Variants in PTGFRN observed in about 807,000 individuals in gnomAD.
The protein encoded by PTGFRN is prostaglandin F2 receptor negative regulator.
In PTGFRN, 35 loss-of-function variants were observed where a neutral mutation model predicts 83.2. That is an observed-to-expected ratio of 0.42 (90% confidence interval 0.32 to 0.56). The LOEUF (loss-of-function observed/expected upper bound fraction) is 0.56. Ranked by LOEUF, PTGFRN falls within the 20% of genes least tolerant of loss-of-function variation. The probability of loss-of-function intolerance (pLI) is 0.11; values close to 1 mark genes in which losing one functional copy is unlikely to be tolerated. For missense variants in PTGFRN, 1,051 were observed against 1,179.5 expected, an observed-to-expected ratio of 0.89 and a Z score of 1.60; for synonymous variants, 519 against 498.6, an observed-to-expected ratio of 1.04 and a Z score of -0.55.
rs3829881 is a variant in PTGFRN at position 116,989,191 on chromosome 1, T to C, written c.*2224T>C. 83,357 of 151,962 alleles carry C rather than the reference T, an allele frequency of 0.55. 23,080 individuals are homozygous for C. The highest frequency in any genetic ancestry group is 0.67 in the East Asian group (3,425 of 5,146). The allele number at this position is 151,962 out of a possible 1,614,324, so 9.4% of individuals were successfully genotyped here. A position where few individuals can be genotyped will look rare whatever the true frequency, so the allele number is the denominator to read the frequency against. ...AGACACTCGATGGTGGTAAATGTGA[T>C]GGGTGCTTACACACTGTACCTTTTC... On this transcript the variant is annotated 3_prime_UTR_variant, in exon 9 of 9. Coordinates refer to ENST00000393203, the MANE Select transcript of PTGFRN (RefSeq NM_020440.4).
chr1:116,979,250 C>T (rs1651242285), intron 7 of PTGFRN, among the ~76,000 whole-genome samples: 1 of 152,122 alleles, frequency 6.6e-6, no homozygotes, highest in African/African-American at 2.4e-5. Flanking sequence ...AACATTCCAT[C>T]CTCATGGATA....
chr1:116,955,515 T>C (rs1225860124), intron 4 of PTGFRN, among the ~76,000 whole-genome samples: 3 of 152,142 alleles, frequency 2.0e-5, no homozygotes, highest in Non-Finnish European at 4.4e-5. Flanking sequence ...TAGAAGAGTA[T>C]AAAGTATATC....
chr1:116,966,496 G>A (rs1364240135), intron 5 of PTGFRN, among the ~76,000 whole-genome samples: 2 of 152,228 alleles, frequency 1.3e-5, no homozygotes, highest in East Asian at 1.9e-4. Context: ...GGGAGGAGAG[G>A]CAAATGGTAT....
intron 1 of PTGFRN, among the ~76,000 whole-genome samples, chr1:116,924,950 CAAG>C: frequency 6.6e-6 from 1 of 152,268 alleles, no homozygotes; most frequent in South Asian, 2.1e-4. Flanking sequence ...ATCGTGGTGG[CAAG>C]CAGACCCGCA....
chr1:116,979,580 A>C (rs909710958), intron 7 of PTGFRN, among the ~76,000 whole-genome samples: 2 of 152,206 alleles, frequency 1.3e-5, no homozygotes, highest in African/African-American at 4.8e-5. Flanking sequence ...ATCTACAACT[A>C]TCTGATCTTT....
At position 116,944,797 on chromosome 1, in the gene PTGFRN, G is replaced by T. The variant is rs1245065057; in HGVS notation, c.537G>T (p.Thr179=). ...CCGCCTCCGCCTCGCCGCTGCACAC[G>T]CACCTGGCGCTGCTGTGGGAGGTGC... ...CTAASASPLH[T]HLALLWEVHR... The change falls in exon 3 of 9, where the codon ACG becomes ACT. Residue 179 remains threonine (T), a synonymous_variant. Transcript: ENST00000393203. 1 of 1,566,628 alleles carries T rather than the reference G, an allele frequency of 6.4e-7. No homozygotes were observed. Among genetic ancestry groups the T allele is most frequent in the East Asian group, 2.3e-5 (1 of 42,854 alleles).
At position 116,941,812 on chromosome 1, in the gene PTGFRN, T is replaced by C; in HGVS notation, c.147T>C (p.Asp49=). ...TCCCCTGCAACGTCAGTGACTATGA[T>C]GGCCCCAGCGAGCAAAACTTTGACT... ...LVIPCNVSDY[D]GPSEQNFDWS... is the part of the protein sequence containing the mutation. The change falls in exon 2 of 9, where the codon GAT becomes GAC. Residue 49 remains aspartate (D), a synonymous_variant. Transcript: ENST00000393203. This position sits in a 1 kb window ranked among gnomAD's most constrained non-coding sequence, Gnocchi z 5.0. 6.2e-7 allele frequency: 1 copy of C among 1,614,182 alleles called. No individual in the cohort carries two copies. Among genetic ancestry groups the C allele is most frequent in the Non-Finnish European group, 8.5e-7 (1 of 1,180,024 alleles).
chr1:116,912,654 G>A (rs781560799), intron 1 of PTGFRN, among the ~76,000 whole-genome samples: 1 of 151,996 alleles, frequency 6.6e-6, no homozygotes, highest in Non-Finnish European at 1.5e-5. Context: ...TCCCTTTTAA[G>A]CTCATCCTTT....
rs890945966 is a variant in PTGFRN at position 116,923,490 on chromosome 1, G to C, written c.49+13238G>C. Among the ~76,000 whole-genome samples the C allele has an allele frequency of 6.6e-6, 1 of 152,014 alleles. No homozygotes were observed. The highest frequency in any genetic ancestry group is 1.5e-5 in the Non-Finnish European group (1 of 68,012). On this transcript the variant is annotated intron_variant, in intron 1 of 8. Coordinates refer to ENST00000393203, the MANE Select transcript of PTGFRN (RefSeq NM_020440.4). This position sits in a 1 kb window ranked among gnomAD's most constrained non-coding sequence, Gnocchi z 4.0. ...GTGGATTTTCTCGTTTTTTTCCTTG[G>C]CAGCTTGGGTGGAAGACAGATGACT... is the stretch of plus-strand genomic sequence containing the variant.
At chr1:116,938,780 TC>T (rs1394641455) in intron 1 of PTGFRN, among the ~76,000 whole-genome samples, 1 of 152,214 alleles carries the variant, frequency 6.6e-6, no homozygotes, top group African/African-American at 2.4e-5. Context: ...CAAGGCAAGT[TC>T]CTTCTGCCTA....
intron 3 of PTGFRN, among the ~76,000 whole-genome samples, chr1:116,945,848 C>G (rs1191380240): frequency 6.6e-6 from 1 of 150,642 alleles, no homozygotes; most frequent in Non-Finnish European, 1.5e-5. Flanking sequence ...AAAACATGGT[C>G]TTGTTGACTC....
At chr1:116,964,507 A>T (rs1650770212) in intron 5 of PTGFRN, among the ~76,000 whole-genome samples, 1 of 152,132 alleles carries the variant, frequency 6.6e-6, no homozygotes, top group African/African-American at 2.4e-5. Flanking sequence ...ACCTCAGGAC[A>T]TAGTCTTTGG....
intron 4 of PTGFRN, among the ~76,000 whole-genome samples, chr1:116,957,652 C>G (rs576467875): frequency 1.3e-5 from 2 of 152,266 alleles, no homozygotes; most frequent in South Asian, 4.1e-4. Context: ...GTTCTCTTAG[C>G]AGTTTCCAAG....
At chr1:116,962,929 C>T (rs1650706916) in intron 5 of PTGFRN, among the ~76,000 whole-genome samples, 1 of 152,182 alleles carries the variant, frequency 6.6e-6, no homozygotes, top group Non-Finnish European at 1.5e-5. Context: ...CACCTTCTTT[C>T]ATTCTCAGAG....
At chr1:116,951,233 G>A (rs889816650) in intron 4 of PTGFRN, among the ~76,000 whole-genome samples, 6 of 152,242 alleles carry the variant, frequency 3.9e-5, no homozygotes, top group East Asian at 3.8e-4. Flanking sequence ...CAACAGGAGC[G>A]GAGCTCTAGG....
In PTGFRN at chr1:116,961,387, G is replaced by A. The variant is rs771208031; in HGVS notation, c.1358G>A (p.Arg453Gln). ...FTVSWYYRMNRRSDNVVTSEL... is the reference protein window; with the variant it reads ...FTVSWYYRMNQRSDNVVTSEL... ...GTTTCGTGGTACTACAGGATGAACC[G>A]GCGCAGCGACAATGTGGTGACCAGC... The change falls in exon 5 of 9, where the codon CGG becomes CAG. Residue 453 changes from arginine to glutamine, a missense_variant. By Grantham distance (43) the Arg-to-Gln change is conservative. Coordinates refer to ENST00000393203, the MANE Select transcript of PTGFRN (RefSeq NM_020440.4). This position sits in a 1 kb window ranked among gnomAD's most constrained non-coding sequence, Gnocchi z 5.4. The A allele has an allele frequency of 2.0e-5, 32 of 1,612,076 alleles. No individual in the cohort carries two copies. Among genetic ancestry groups the A allele is most frequent in the Admixed American group, 5.0e-5 (3 of 59,918 alleles).
chr1:116,985,842 A>T (rs1651463082), intron 8 of PTGFRN, among the ~76,000 whole-genome samples: 1 of 152,228 alleles, frequency 6.6e-6, no homozygotes, highest in South Asian at 2.1e-4. Context: ...CTAGACAGTC[A>T]GAGCTTTGTT....
intron 1 of PTGFRN, among the ~76,000 whole-genome samples, chr1:116,920,671 T>A (rs1649513217): frequency 1.3e-5 from 2 of 152,218 alleles, no homozygotes; most frequent in South Asian, 4.1e-4. Flanking sequence ...TTGCCCAGGC[T>A]GGAGTGCAGT....
chr1:116,927,251 T>A (rs908919089), intron 1 of PTGFRN, among the ~76,000 whole-genome samples: 2 of 152,216 alleles, frequency 1.3e-5, no homozygotes, highest in African/African-American at 4.8e-5. Flanking sequence ...AACCTGGAAC[T>A]ACACAGATAA....
Sources: allele counts gnomAD v4.1 joint callset (sites outside exome capture counted in the v4.1 genomes callset), GRCh38; gene constraint gnomAD v4.1.1; non-coding constraint Gnocchi (gnomAD v3.1); transcripts MANE v1.5; gene names NCBI Gene and HGNC (gene_info 2026-07-23, HGNC 2026-07-21).